The following CRTAM variants were observed in gnomAD, a reference collection of about 807,000 sequenced individuals.
CRTAM encodes the protein cytotoxic and regulatory T cell molecule.
Under a neutral mutation model 50.0 loss-of-function variants are expected in CRTAM, and 44 were observed. The ratio of observed to expected loss-of-function variants is 0.88; its 90% CI spans 0.69 to 1.13. CRTAM has a LOEUF of 1.13. CRTAM is among the 50% of genes most tolerant of loss of function. The pLI is 0.00. For missense variants in CRTAM, 448 were observed against 457.5 expected, an observed-to-expected ratio of 0.98 and a Z score of 0.19; for synonymous variants, 159 against 169.3, an observed-to-expected ratio of 0.94 and a Z score of 0.47.
At chr11:122,843,736 A>G (rs1242814953) in intron 1 of CRTAM, among the ~76,000 whole-genome samples, 2 of 152,218 alleles carry the variant, frequency 1.3e-5, no homozygotes, top group Non-Finnish European at 2.9e-5. Context: ...AAGAAGTTCT[A>G]ATTTGGTTTC....
At position 122,855,783 on chromosome 11, in the gene CRTAM, G is replaced by T. The variant is rs35561350; in HGVS notation, c.579G>T (p.Thr193=). 2 of 1,613,926 alleles carry T rather than the reference G, an allele frequency of 1.2e-6. No homozygotes were observed. Among genetic ancestry groups the T allele is most frequent in the South Asian group, 2.2e-5 (2 of 91,080 alleles). The change falls in exon 5 of 10, where the codon ACG becomes ACT. Residue 193 remains threonine, a synonymous_variant. Coordinates refer to ENST00000227348, the MANE Select transcript of CRTAM (RefSeq NM_019604.4). ...LIIHTYGKNS[T]VDCIIRHRGL... is the part of the protein sequence containing the mutation. ...TCCACACTTATGGCAAAAATTCAAC[G>T]GTGGACTGCATTATCCGACACAGAG...
chr11:122,848,703 TC>T (rs1225461604), intron 1 of CRTAM, among the ~76,000 whole-genome samples: 1 of 152,188 alleles, frequency 6.6e-6, no homozygotes, highest in East Asian at 1.9e-4. Flanking sequence ...GAAAATATAT[TC>T]TCCTGGTTTC....
chr11:122,843,377 T>G (rs1425656783), intron 1 of CRTAM, among the ~76,000 whole-genome samples: 2 of 152,108 alleles, frequency 1.3e-5, no homozygotes, highest in African/African-American at 2.4e-5. Context: ...ACGGAGATAA[T>G]GACAAAGCCC....
chr11:122,853,900 A>G (rs185228988), intron 3 of CRTAM, 43 bp from the exon 4 acceptor site: 118 of 1,580,562 alleles, frequency 7.5e-5, no homozygotes, highest in Non-Finnish European at 9.5e-5. Context: ...TGAGATATGC[A>G]GACTCATATC....
chr11:122,862,567 C>T, intron 6 of CRTAM, 23 bp downstream of exon 6: 2 of 1,414,994 alleles, frequency 1.4e-6, no homozygotes, highest in Non-Finnish European at 2.0e-6. Context: ...ATCATTCAAA[C>T]TTGTTTTTAA....
rs766058381 is a variant in CRTAM at position 122,855,692 on chromosome 11, T to C, written c.491-3T>C. 1.2e-6 allele frequency: 2 copies of C among 1,613,842 alleles called. No individual in the cohort carries two copies. The highest frequency in any genetic ancestry group is 2.2e-5 in the East Asian group (1 of 44,876). On this transcript the variant is annotated splice_region_variant and splice_polypyrimidine_tract_variant and intron_variant, in intron 4 of 9. Coordinates refer to ENST00000227348, the MANE Select transcript of CRTAM (RefSeq NM_019604.4). ...GCCATAACCTCTTCAAATTGCTACATAGGTGGAACGCTCCATGAATTTGAA... is the reference window on the plus strand; with the variant it reads ...GCCATAACCTCTTCAAATTGCTACACAGGTGGAACGCTCCATGAATTTGAA...
At chr11:122,851,870 T>C in intron 3 of CRTAM, 25 bp downstream of exon 3, 3 of 1,609,656 alleles carry the variant, frequency 1.9e-6, no homozygotes, top group Non-Finnish European at 2.6e-6. Flanking sequence ...GTGAACCCAG[T>C]AGGGGAGCAA....
Position 122,854,061 on chromosome 11 carries a change from A to G in CRTAM, c.465A>G (p.Leu155=). The G allele has an allele frequency of 1.2e-6, 2 of 1,614,036 alleles. No homozygotes were observed. Among genetic ancestry groups the G allele is most frequent in the Non-Finnish European group, 1.7e-6 (2 of 1,179,948 alleles). ...AGCCCCCTCCGCAGATAACCTGGCT[A>G]CTTGGGAATAGCATGGAAGTGTCCG... ...RSKPPPQITW[L]LGNSMEVSGG... is the part of the protein sequence containing the mutation. The change falls in exon 4 of 10, where the codon CTA becomes CTG. Residue 155 remains leucine (L), a synonymous_variant. Transcript: ENST00000227348.
At chr11:122,854,161 C>G (rs1341848428) in intron 4 of CRTAM, 75 bp downstream of exon 4, 12 of 1,465,354 alleles carry the variant, frequency 8.2e-6, no homozygotes, top group Non-Finnish European at 1.1e-5. Flanking sequence ...TTTTGGCACC[C>G]TCTAGTGGCA....
intron 2 of CRTAM, among the ~76,000 whole-genome samples, chr11:122,850,735 T>C (rs1591350467): frequency 1.3e-5 from 2 of 152,314 alleles, no homozygotes; most frequent in South Asian, 2.1e-4. Context: ...GATGTATTAA[T>C]TTGGAAATGA....
At chr11:122,868,382 G>C (rs1056434599) in intron 9 of CRTAM, among the ~76,000 whole-genome samples, 1 of 152,024 alleles carries the variant, frequency 6.6e-6, no homozygotes, top group African/African-American at 2.4e-5. Flanking sequence ...TCAGGGGACC[G>C]CCAGCGTTAA....
At chr11:122,846,134 C>T (rs1442718193) in intron 1 of CRTAM, among the ~76,000 whole-genome samples, 3 of 152,006 alleles carry the variant, frequency 2.0e-5, no homozygotes, top group Admixed American at 1.3e-4. Flanking sequence ...GTGGAGATAC[C>T]GGGTACCCAC....
chr11:122,853,158 C>G (rs908095406), intron 3 of CRTAM, among the ~76,000 whole-genome samples: 2 of 151,772 alleles, frequency 1.3e-5, no homozygotes, highest in Admixed American at 1.3e-4. Flanking sequence ...ACCTCCCCAT[C>G]CCAGGTTCAA....
rs2135239170 is a variant in CRTAM at position 122,853,577 on chromosome 11, T to A, written c.347-366T>A. Among the ~76,000 whole-genome samples the A allele has an allele frequency of 3.3e-5, 5 of 151,614 alleles. No individual in the cohort carries two copies. The Middle Eastern group carries it at 0.01, about 312-fold the overall frequency. ...GGCTCACACTTGTAATCCCAGCACT[T>A]TGGGAGGTGGAGGCGGGCGGATCAA... On this transcript the variant is annotated intron_variant, in intron 3 of 9. Coordinates refer to ENST00000227348, the MANE Select transcript of CRTAM (RefSeq NM_019604.4).
chr11:122,850,256 C>A, intron 2 of CRTAM, 42 bp downstream of exon 2: 1 of 1,541,226 alleles, frequency 6.5e-7, no homozygotes. Flanking sequence ...CAGACCTTAA[C>A]CTGAGGGTTT....
At chr11:122,856,761 G>A (rs1243627820) in intron 5 of CRTAM, among the ~76,000 whole-genome samples, 1 of 152,200 alleles carries the variant, frequency 6.6e-6, no homozygotes, top group Non-Finnish European at 1.5e-5. Flanking sequence ...TGTGGCTGCG[G>A]TTAACAGGCC....
intron 2 of CRTAM, among the ~76,000 whole-genome samples, chr11:122,851,021 G>A (rs937503717): frequency 4.6e-5 from 7 of 152,158 alleles, no homozygotes; most frequent in African/African-American, 1.7e-4. Flanking sequence ...CAGCACTTTG[G>A]GAGACTGAGG....
Position 122,851,787 on chromosome 11 carries a change from C to G in CRTAM, c.288C>G (p.Tyr96Ter), listed in dbSNP as rs1411114340. The G allele has an allele frequency of 6.2e-7, 1 of 1,614,048 alleles. No individual in the cohort carries two copies. ...TAACCCTGCAAGATGAAGGCGTGTACAAGTGCTTACATTACAGCGACTCTG... is the reference window on the plus strand; with the variant it reads ...TAACCCTGCAAGATGAAGGCGTGTAGAAGTGCTTACATTACAGCGACTCTG... ...PNVTLQDEGVYKCLHYSDSVS... is the reference protein window; with the variant it reads ...PNVTLQDEGV The change falls in exon 3 of 10, where the codon TAC becomes TAG. Residue 96 changes from tyrosine (Y) to a stop codon, truncating the protein, a stop_gained. Coordinates refer to ENST00000227348, the MANE Select transcript of CRTAM (RefSeq NM_019604.4). LOFTEE classifies it high-confidence loss of function.
At position 122,871,433 on chromosome 11, in the gene CRTAM, T is replaced by C. The variant is rs759231974; in HGVS notation, c.*34T>C. On this transcript the variant is annotated 3_prime_UTR_variant, in exon 10 of 10. Transcript: ENST00000227348. ...GCAATGGAACATGTGATTTCAGGGTTGCCGCAGTGTCACCTCAGTGGACCA... is the reference window on the plus strand; with the variant it reads ...GCAATGGAACATGTGATTTCAGGGTCGCCGCAGTGTCACCTCAGTGGACCA... 6.3e-7 allele frequency: 1 copy of C among 1,591,812 alleles called. No homozygotes were observed. Among genetic ancestry groups the C allele is most frequent in the Non-Finnish European group, 8.6e-7 (1 of 1,168,142 alleles).
Sources: gnomAD v4.1 joint callset for allele counts (sites outside exome capture counted in the v4.1 genomes callset) on GRCh38, gnomAD v4.1.1 for gene constraint, MANE v1.5 for transcripts, NCBI Gene and HGNC (gene_info 2026-07-23, HGNC 2026-07-21) for gene names.